Variants in HYCC1 observed in about 807,000 individuals in gnomAD.
The protein encoded by HYCC1 is hyccin.
the HYCC1 span, chr7:22,976,659 G>A: frequency 4.7e-6 from 6 of 1,281,800 alleles, no homozygotes; most frequent in Non-Finnish European, 6.8e-6. Flanking sequence ...AAAATTAGTG[G>A]ATTAAGATAA....
the HYCC1 span, chr7:22,945,876 T>A: frequency 6.2e-7 from 1 of 1,613,832 alleles, no homozygotes; most frequent in South Asian, 1.1e-5. Flanking sequence ...GTTGTTAAAG[T>A]AAGTCTCTTC....
At chr7:23,009,019 C>A in the HYCC1 span, among the ~76,000 whole-genome samples, 1 of 151,902 alleles carries the variant, frequency 6.6e-6, no homozygotes, top group African/African-American at 2.4e-5. Context: ...AAAGAAAATT[C>A]ACATCAAAAA....
the HYCC1 span, chr7:22,961,141 G>T: frequency 1.3e-6 from 1 of 764,332 alleles, no homozygotes; most frequent in South Asian, 1.4e-5. Context: ...GAGTATTAAT[G>T]ACATATTAAT....
the HYCC1 span, among the ~76,000 whole-genome samples, chr7:22,972,062 G>A: frequency 6.6e-6 from 1 of 152,100 alleles, no homozygotes; most frequent in Admixed American, 6.6e-5. Flanking sequence ...TGTTGATACA[G>A]TCATAGCAAA....
the HYCC1 span, among the ~76,000 whole-genome samples, chr7:22,996,883 A>G: frequency 6.6e-6 from 1 of 152,196 alleles, no homozygotes; most frequent in East Asian, 1.9e-4. Context: ...AGACATCTCT[A>G]GTAATATTCA....
At chr7:22,997,875 G>C in the HYCC1 span, among the ~76,000 whole-genome samples, 21 of 152,274 alleles carry the variant, frequency 1.4e-4, no homozygotes, top group East Asian at 3.9e-3. Context: ...TCTATAAAAT[G>C]GTTTTTGGCT....
the HYCC1 span, among the ~76,000 whole-genome samples, chr7:22,993,976 CTTTTGTTTTTG>C: frequency 2.0e-5 from 3 of 152,192 alleles, no homozygotes; most frequent in Non-Finnish European, 4.4e-5. Flanking sequence ...GAGCAATAGG[CTTTTGTTTTTG>C]TTTTGTTTTT....
the HYCC1 span, chr7:22,941,966 G>A: frequency 1.3e-5 from 2 of 152,004 alleles, no homozygotes; most frequent in Admixed American, 1.3e-4. Flanking sequence ...ATATTTTTCA[G>A]TTACATTATT....
At chr7:22,899,812 G>GA in the HYCC1 span, among the ~76,000 whole-genome samples, 6 of 151,810 alleles carry the variant, frequency 4.0e-5, no homozygotes, top group African/African-American at 1.5e-4. Flanking sequence ...AATGGGAAAG[G>GA]AACTAGTCAA....
At chr7:22,930,359 AG>A in the HYCC1 span, among the ~76,000 whole-genome samples, 8 of 142,496 alleles carry the variant, frequency 5.6e-5, no homozygotes, top group East Asian at 2.1e-4. Flanking sequence ...AAAAAAAAAA[AG>A]AATTAGAAAC....
At chr7:22,956,599 A>G in the HYCC1 span, among the ~76,000 whole-genome samples, 1 of 151,792 alleles carries the variant, frequency 6.6e-6, no homozygotes, top group Non-Finnish European at 1.5e-5. Flanking sequence ...TTTAATTGAC[A>G]TGAGGATGCA....
chr7:22,949,560 A>G, the HYCC1 span, among the ~76,000 whole-genome samples: 1 of 152,040 alleles, frequency 6.6e-6, no homozygotes, highest in Non-Finnish European at 1.5e-5. Context: ...TAGGAAAGTA[A>G]TAATTCTTGA....
the HYCC1 span, among the ~76,000 whole-genome samples, chr7:22,918,501 C>T: frequency 1.2e-4 from 19 of 152,258 alleles, no homozygotes; most frequent in East Asian, 3.7e-3. Flanking sequence ...GCCACCCCAA[C>T]ACTTCAACAC....
At chr7:22,897,486 G>A in the HYCC1 span, among the ~76,000 whole-genome samples, 2 of 152,238 alleles carry the variant, frequency 1.3e-5, no homozygotes, top group Non-Finnish European at 2.9e-5. Context: ...GGCAAGGGAT[G>A]ATGGTAGTTC....
At chr7:22,978,232 GT>G in the HYCC1 span, 1 of 1,594,042 alleles carries the variant, frequency 6.3e-7, no homozygotes, top group Non-Finnish European at 8.6e-7. Context: ...ATTTGATTTT[GT>G]CAAAAAAGAT....
the HYCC1 span, among the ~76,000 whole-genome samples, chr7:22,932,254 G>C: frequency 6.6e-6 from 1 of 152,106 alleles, no homozygotes; most frequent in Non-Finnish European, 1.5e-5. Flanking sequence ...GTGCCAGTAG[G>C]AACACTGCCA....
chr7:22,953,072 CTTA>C, the HYCC1 span, among the ~76,000 whole-genome samples: 1 of 151,920 alleles, frequency 6.6e-6, no homozygotes, highest in East Asian at 1.9e-4. Flanking sequence ...CAGAATTCTC[CTTA>C]TTGAGGTGGA....
the HYCC1 span, among the ~76,000 whole-genome samples, chr7:22,926,207 G>A: frequency 2.1e-4 from 32 of 152,038 alleles, no homozygotes; most frequent in East Asian, 1.4e-3. Context: ...AGGAACAACC[G>A]GTACCAGCCA....
chr7:22,957,012 C>T, the HYCC1 span, among the ~76,000 whole-genome samples: 1 of 151,648 alleles, frequency 6.6e-6, no homozygotes, highest in East Asian at 1.9e-4. Flanking sequence ...ATCTATGAAG[C>T]GTTACAGAAT....
Sources: gnomAD v4.1 joint callset for allele counts (sites outside exome capture counted in the v4.1 genomes callset) on GRCh38, gnomAD v4.1.1 for gene constraint, MANE v1.5 for transcripts, NCBI Gene and HGNC (gene_info 2026-07-23, HGNC 2026-07-21) for gene names.